JAK2: variants seen among roughly 807,000 people sequenced by gnomAD.
JAK2 encodes tyrosine-protein kinase JAK2.
In JAK2, 86 loss-of-function variants were observed where a neutral mutation model predicts 139.3. The ratio of observed to expected loss-of-function variants is 0.62; its 90% confidence interval spans 0.52 to 0.74. The LOEUF (loss-of-function observed/expected upper bound fraction) is 0.74. Among genes scored for constraint, JAK2 ranks in the 30% least tolerant of loss-of-function variants. The pLI is 0.00. For synonymous variants in JAK2, 490 were observed against 437.7 expected, an observed-to-expected ratio of 1.12 and a Z score of -1.49; for missense variants, 1,421 against 1,360.3, an observed-to-expected ratio of 1.04 and a Z score of -0.70.
intron 2 of JAK2, among the ~76,000 whole-genome samples, chr9:5,012,500 G>A (rs959252024): frequency 3.3e-5 from 5 of 152,138 alleles, no homozygotes; most frequent in Admixed American, 2.0e-4. Flanking sequence ...TTTCCTTGGT[G>A]TTTGGGGCAG....
intron 3 of JAK2, among the ~76,000 whole-genome samples, chr9:5,026,234 T>A (rs928351353): frequency 6.6e-6 from 1 of 152,208 alleles, no homozygotes; most frequent in Non-Finnish European, 1.5e-5. Context: ...ACCTTAGTTG[T>A]ATTCCACAAT....
In JAK2 at chr9:5,127,044, A is replaced by G. The variant is rs1284970945; in HGVS notation, c.*253A>G. 5.5e-5 allele frequency: 16 copies of G among 289,726 alleles called. No individual in the cohort carries two copies. Among genetic ancestry groups the G allele is most frequent in the Non-Finnish European group, 9.1e-5 (14 of 154,498 alleles). 17.9% of individuals were successfully genotyped at this position (289,726 alleles called of 1,614,324 possible). ...AGTTTCTTAAACATTGTCAGTTAAC[A>G]TCACTCTTGTCTGGCAAAAGAAAAA... On this transcript the variant is annotated 3_prime_UTR_variant, in exon 25 of 25. Transcript: ENST00000381652.
At chr9:5,085,183 C>A in intron 19 of JAK2, 1 of 656,014 alleles carries the variant, frequency 1.5e-6, no homozygotes, top group South Asian at 1.4e-5. Context: ...CAAACTGAAC[C>A]ATCTCATGAT....
intron 19 of JAK2, among the ~76,000 whole-genome samples, chr9:5,083,022 T>A (rs1819821799): frequency 6.6e-6 from 1 of 152,218 alleles, no homozygotes; most frequent in Non-Finnish European, 1.5e-5. Context: ...TTCAGAGGCT[T>A]TAACATGTAA....
chr9:5,079,305 A>G lies in JAK2; in HGVS notation c.2131+861A>G, dbSNP rs530411914. On this transcript the variant is annotated intron_variant, in intron 16 of 24. Coordinates refer to ENST00000381652, the MANE Select transcript of JAK2 (RefSeq NM_004972.4). The stretch of plus-strand genomic sequence containing the variant: ...CTATTTGTCTGTCTGTCTATGTCAG[A>G]ATACCAGAAAGTAGGGTTATATTGC... Among the ~76,000 whole-genome samples, 4 of 152,342 alleles carry G rather than the reference A, an allele frequency of 2.6e-5. No individual in the cohort carries two copies. In the South Asian group the frequency reaches 8.3e-4, roughly 32 times the overall value.
chr9:5,072,388 T>G (rs1819013868), intron 12 of JAK2, 104 bp from the exon 13 acceptor site: 1 of 755,890 alleles, frequency 1.3e-6, no homozygotes, highest in Admixed American at 3.4e-5. Flanking sequence ...GGAAAATACT[T>G]GCTTATGGAT....
intron 2 of JAK2, among the ~76,000 whole-genome samples, chr9:4,989,862 A>T (rs1486066768): frequency 6.6e-6 from 1 of 152,204 alleles, no homozygotes; most frequent in Non-Finnish European, 1.5e-5. Flanking sequence ...TGTAGTTGGA[A>T]TTTGATTATG....
intron 22 of JAK2, among the ~76,000 whole-genome samples, chr9:5,115,280 C>T (rs1293248160): frequency 1.3e-5 from 2 of 152,116 alleles, no homozygotes; most frequent in Non-Finnish European, 2.9e-5. Context: ...CAAAAGAAGA[C>T]ATTTATGTGG....
At chr9:4,996,928 C>CTTTTT (rs1166992356) in intron 2 of JAK2, among the ~76,000 whole-genome samples, 20 of 94,652 alleles carry the variant, frequency 2.1e-4, no homozygotes, top group South Asian at 3.6e-4. Context: ...TTAGTTTGTT[C>CTTTTT]TTTTTTTTTT....
At chr9:5,107,600 T>C (rs1474725397) in intron 22 of JAK2, among the ~76,000 whole-genome samples, 1 of 152,150 alleles carries the variant, frequency 6.6e-6, no homozygotes, top group Non-Finnish European at 1.5e-5. Flanking sequence ...AAGAAATGAT[T>C]TCGATTCATT....
At chr9:5,014,164 CTTTTTTTTT>C (rs200845162) in intron 2 of JAK2, among the ~76,000 whole-genome samples, 1 of 117,542 alleles carries the variant, frequency 8.5e-6, no homozygotes, top group Non-Finnish European at 1.9e-5. Context: ...TTTACTCTTT[CTTTTTTTTT>C]TTTTTTTTTT....
intron 18 of JAK2, 21 bp from the exon 19 acceptor site, chr9:5,081,704 T>C (rs1210650480): frequency 6.0e-5 from 92 of 1,541,896 alleles, no homozygotes; most frequent in Non-Finnish European, 8.0e-5. Flanking sequence ...TTTAAGGTGA[T>C]AATATTCTTT....
intron 19 of JAK2, 107 bp from the exon 20 acceptor site, chr9:5,089,567 A>T (rs1820410753): frequency 6.8e-6 from 2 of 295,982 alleles, no homozygotes; most frequent in South Asian, 1.5e-4. Context: ...AAAAAAAAAG[A>T]CAGTCTGCTA....
intron 19 of JAK2, chr9:5,085,052 G>T: frequency 1.3e-6 from 1 of 757,690 alleles, no homozygotes; most frequent in South Asian, 1.3e-5. Context: ...CTCTTTCTGG[G>T]GATGAGAAGT....
Position 5,089,800 on chromosome 9 carries a change from G to C in JAK2, c.2698G>C (p.Glu900Gln), listed in dbSNP as rs780938232. 2.6e-5 allele frequency: 42 copies of C among 1,597,118 alleles called. No individual in the cohort carries two copies. Among genetic ancestry groups the C allele is most frequent in the Non-Finnish European group, 3.5e-5 (41 of 1,172,094 alleles). The change falls in exon 20 of 25, where the codon GAA (glutamate) becomes CAA (glutamine). Residue 900 changes from glutamate to glutamine, a missense_variant. Coordinates refer to ENST00000381652, the MANE Select transcript of JAK2 (RefSeq NM_004972.4). ...EHLRDFEREI[E>Q]ILKSLQHDNI... is the part of the protein sequence containing the mutation. ...CCTAAGAGACTTTGAAAGGGAAATT[G>C]AAATCCTGAAATCCCTACAGCATGA...
chr9:5,116,041 A>G (rs1823137512), intron 22 of JAK2, among the ~76,000 whole-genome samples: 1 of 152,204 alleles, frequency 6.6e-6, no homozygotes, highest in Admixed American at 6.5e-5. Flanking sequence ...CATGTATCCC[A>G]AAACTTAAAG....
chr9:5,053,319 G>C (rs1391837377), intron 6 of JAK2, among the ~76,000 whole-genome samples: 2 of 151,850 alleles, frequency 1.3e-5, no homozygotes, highest in Non-Finnish European at 2.9e-5. Flanking sequence ...TTTTAATTGG[G>C]TTATTTGTCT....
intron 19 of JAK2, chr9:5,085,516 C>T (rs1820018101): frequency 4.2e-6 from 3 of 718,002 alleles, no homozygotes; most frequent in Admixed American, 1.8e-5. Context: ...AAGAAATTCA[C>T]CACACACCAA....
chr9:5,124,314 G>GT (rs1414381702), intron 23 of JAK2, among the ~76,000 whole-genome samples: 10 of 150,926 alleles, frequency 6.6e-5, no homozygotes, highest in Admixed American at 4.6e-4. Context: ...TTTTCTCTAG[G>GT]TTTTTTTTCT....
Sources: allele counts gnomAD v4.1 joint callset (sites outside exome capture counted in the v4.1 genomes callset), GRCh38; gene constraint gnomAD v4.1.1; transcripts MANE v1.5; gene names NCBI Gene and HGNC (gene_info 2026-07-23, HGNC 2026-07-21).